The following EXOSC8 variants were observed in gnomAD, a reference collection of about 807,000 sequenced individuals.
EXOSC8 encodes exosome complex component RRP43.
In EXOSC8, 37 loss-of-function variants were observed where a neutral mutation model predicts 39.9. That is an observed-to-expected ratio of 0.93 (90% confidence interval 0.71 to 1.22). The LOEUF (loss-of-function observed/expected upper bound fraction) is 1.22, where lower values mean the gene tolerates loss of function less well. EXOSC8 is among the 50% of genes most tolerant of loss of function. The pLI is 0.00. For missense variants in EXOSC8, 313 were observed against 326.6 expected (o/e 0.96, Z 0.32); for synonymous variants, 93 against 109.5 (o/e 0.85, Z 0.94).
chr13:37,001,852 A>G (rs1459344653), intron 1 of EXOSC8: 1 of 156,164 alleles, frequency 6.4e-6, no homozygotes, highest in African/African-American at 2.4e-5. Context: ...ATTGAAGAAT[A>G]TGCTAAATTT....
At position 37,005,904 on chromosome 13, in the gene EXOSC8, A is replaced by G. The variant is rs2059135660; in HGVS notation, c.239-16A>G. On this transcript the variant is annotated splice_polypyrimidine_tract_variant and intron_variant, in intron 5 of 10. Transcript: ENST00000389704. ...AAAAAAAGGTTTAGTTCATAGCTGC[A>G]GAGTGTTTCTTTCAGTTCCTAATGT... 5 of 845,224 alleles carry G rather than the reference A, an allele frequency of 5.9e-6. No individual in the cohort carries two copies. Among genetic ancestry groups the G allele is most frequent in the African/African-American group, 1.7e-5 (1 of 58,136 alleles). The allele number at this position is 845,224 out of a possible 1,614,324, so 52.4% of individuals were successfully genotyped here. A position where few individuals can be genotyped will look rare whatever the true frequency, so the allele number is the denominator to read the frequency against.
intron 8 of EXOSC8, 61 bp downstream of exon 8, chr13:37,007,132 A>G: frequency 9.6e-7 from 1 of 1,044,922 alleles, no homozygotes; most frequent in Admixed American, 1.7e-5. Flanking sequence ...TGTTTTGTGA[A>G]ACTTTTAATG....
Position 37,008,282 on chromosome 13 carries a change from A to C in EXOSC8, c.608+105A>C, listed in dbSNP as rs1163765624. The C allele has an allele frequency of 3.3e-6, 3 of 921,624 alleles. No homozygotes were observed. The African/African-American group carries it at 5.1e-5, about 16-fold the overall frequency. The allele number at this position is 921,624 out of a possible 1,614,324, so 57.1% of individuals were successfully genotyped here. A position where few individuals can be genotyped will look rare whatever the true frequency, so the allele number is the denominator to read the frequency against. ...AAGTGCTATGGTGACCCTACATCCT[A>C]GTTTTCCCTGGACACTTGAGTTTCT... On this transcript the variant is annotated intron_variant, in intron 9 of 10. Coordinates refer to ENST00000389704, the MANE Select transcript of EXOSC8 (RefSeq NM_181503.3).
Position 37,009,434 on chromosome 13 carries a change from A to G in EXOSC8, c.*135A>G. ...CTATTATTTCTTAGGTCACTTCCAT[A>G]TATATTATGTATAGTGAAACCATTT... On this transcript the variant is annotated 3_prime_UTR_variant, in exon 11 of 11. Transcript: ENST00000389704. 1 of 733,946 alleles carries G rather than the reference A, an allele frequency of 1.4e-6. No individual in the cohort carries two copies. Among genetic ancestry groups the G allele is most frequent in the Non-Finnish European group, 2.3e-6 (1 of 443,240 alleles). The allele number at this position is 733,946 out of a possible 1,614,324, so 45.5% of individuals were successfully genotyped here. A position where few individuals can be genotyped will look rare whatever the true frequency, so the allele number is the denominator to read the frequency against.
chr13:37,006,378 G>A (rs1364956997), intron 7 of EXOSC8, among the ~76,000 whole-genome samples: 2 of 152,034 alleles, frequency 1.3e-5, no homozygotes, highest in Admixed American at 6.6e-5. Flanking sequence ...CTGCCTGTCT[G>A]GGAGCTACCT....
intron 3 of EXOSC8, 46 bp downstream of exon 3, chr13:37,002,597 T>G (rs1356678042): frequency 3.1e-6 from 4 of 1,300,412 alleles, no homozygotes; most frequent in Non-Finnish European, 4.3e-6. Flanking sequence ...TTCCCAAGTT[T>G]TAGTCTATGA....
At chr13:37,007,713 T>C (rs1179310098) in intron 8 of EXOSC8, among the ~76,000 whole-genome samples, 1 of 152,124 alleles carries the variant, frequency 6.6e-6, no homozygotes, top group Admixed American at 6.6e-5. Context: ...TTATCTATAA[T>C]AAAATAGGGA....
intron 2 of EXOSC8, 54 bp from the exon 3 acceptor site, chr13:37,002,434 T>A (rs2059112697): frequency 3.0e-6 from 4 of 1,328,052 alleles, no homozygotes; most frequent in African/African-American, 2.9e-5. Flanking sequence ...TTGTGATAGA[T>A]GTGTAAAATA....
Position 37,008,291 on chromosome 13 carries a change from T to C in EXOSC8, c.608+114T>C, listed in dbSNP as rs1244957585. 4 of 845,768 alleles carry C rather than the reference T, an allele frequency of 4.7e-6. 1 individual carries two copies. Among genetic ancestry groups the C allele is most frequent in the South Asian group, 3.0e-5 (2 of 66,258 alleles). The allele number at this position is 845,768 out of a possible 1,614,324, so 52.4% of individuals were successfully genotyped here. A position where few individuals can be genotyped will look rare whatever the true frequency, so the allele number is the denominator to read the frequency against. The stretch of plus-strand genomic sequence containing the variant: ...GGTGACCCTACATCCTAGTTTTCCC[T>C]GGACACTTGAGTTTCTACTTGTCCC... On this transcript the variant is annotated intron_variant, in intron 9 of 10. Transcript: ENST00000389704.
Position 37,009,386 on chromosome 13 carries a change from C to A in EXOSC8, c.*87C>A. 2 of 771,892 alleles carry A rather than the reference C, an allele frequency of 2.6e-6. No individual in the cohort carries two copies. The highest frequency in any genetic ancestry group is 4.3e-6 in the Non-Finnish European group (2 of 468,556). The allele number at this position is 771,892 out of a possible 1,614,324, so 47.8% of individuals were successfully genotyped here. A position where few individuals can be genotyped will look rare whatever the true frequency, so the allele number is the denominator to read the frequency against. ...CGTTTTATACTAAATAAATATCAAA[C>A]TACATTCTTCTGAAAGATGTTTCTA... On this transcript the variant is annotated 3_prime_UTR_variant, in exon 11 of 11. Transcript: ENST00000389704.
At position 37,006,411 on chromosome 13, in the gene EXOSC8, C is replaced by T. The variant is rs1252388261; in HGVS notation, c.390+251C>T. Reference sequence around the variant, plus strand: ...CCTTTTAAACTGAAGTAATTTTTTTCCCCCTTAACTTTTAAAGTTCAATCA... The same window carrying T: ...CCTTTTAAACTGAAGTAATTTTTTTTCCCCTTAACTTTTAAAGTTCAATCA... On this transcript the variant is annotated intron_variant, in intron 7 of 10. Coordinates refer to ENST00000389704, the MANE Select transcript of EXOSC8 (RefSeq NM_181503.3). 2.6e-5 allele frequency among the ~76,000 whole-genome samples: 4 copies of T among 151,986 alleles called. No individual in the cohort carries two copies. The South Asian group carries it at 6.2e-4, about 24-fold the overall frequency.
Position 37,002,534 on chromosome 13 carries a change from C to T in EXOSC8, c.101C>T (p.Thr34Ile), listed in dbSNP as rs1279817906. The T allele has an allele frequency of 1.3e-6, 2 of 1,591,726 alleles. No individual in the cohort carries two copies. The highest frequency in any genetic ancestry group is 1.7e-6 in the Non-Finnish European group (2 of 1,167,384). ...PDGRELGEFR[T>I]TTVNIGSIST... ...GGAAGAGAACTTGGTGAATTCAGAA[C>T]CACAACTGTCAACATCGGTAAGGAT... Residue 34 changes from threonine (T) to isoleucine (I), a missense_variant, in exon 3 of 11, where the codon ACC becomes ATC. Physicochemically the swap from Thr to Ile is moderately conservative, Grantham distance 89. Transcript: ENST00000389704.
intron 9 of EXOSC8, 74 bp from the exon 10 acceptor site, chr13:37,008,655 C>T: frequency 2.2e-6 from 2 of 909,630 alleles, no homozygotes; most frequent in Non-Finnish European, 3.5e-6. Context: ...ACTTGGGAGG[C>T]TGATAGTATG....
chr13:37,008,042 T>C lies in EXOSC8; in HGVS notation c.488-15T>C, dbSNP rs753598965. 1.7e-5 allele frequency: 27 copies of C among 1,561,056 alleles called. No individual in the cohort carries two copies. Among genetic ancestry groups the C allele is most frequent in the Non-Finnish European group, 2.2e-5 (25 of 1,146,218 alleles). On this transcript the variant is annotated splice_polypyrimidine_tract_variant and intron_variant, in intron 8 of 10. Transcript: ENST00000389704. Reference sequence around the variant, plus strand: ...CTTAGAGACTTACTTACTTTACAAATTTGCCTTTTCTTAGTACAGTTGCCT... The same window carrying C: ...CTTAGAGACTTACTTACTTTACAAACTTGCCTTTTCTTAGTACAGTTGCCT...
chr13:37,009,584 A>G lies in EXOSC8; in HGVS notation c.*285A>G. The G allele has an allele frequency of 6.8e-7, 1 of 1,462,402 alleles. No individual in the cohort carries two copies. Among genetic ancestry groups the G allele is most frequent in the Non-Finnish European group, 9.6e-7 (1 of 1,043,928 alleles). The allele number at this position is 1,462,402 out of a possible 1,614,324, so 90.6% of individuals were successfully genotyped here. On this transcript the variant is annotated 3_prime_UTR_variant, in exon 11 of 11. Transcript: ENST00000389704. Reference sequence around the variant, plus strand: ...ACATCTAGCAATGTAAAATACTGACACATTAAAAAAAACAAAAAGTAGAAA... The same window carrying G: ...ACATCTAGCAATGTAAAATACTGACGCATTAAAAAAAACAAAAAGTAGAAA...
Position 37,006,005 on chromosome 13 carries a change from C to T in EXOSC8, c.324C>T (p.Phe108=). Residue 108 remains phenylalanine (F), a synonymous_variant, in exon 6 of 11, where the codon TTC becomes TTT. Transcript: ENST00000389704. ...PGEEAQVASQ[F]IADVIENSQI... Reference sequence around the variant, plus strand: ...AAGAGGCCCAAGTGGCTAGCCAGTTCATTGCAGATGTCATTGAAAAGTAAG... The same window carrying T: ...AAGAGGCCCAAGTGGCTAGCCAGTTTATTGCAGATGTCATTGAAAAGTAAG... The T allele has an allele frequency of 1.2e-6, 2 of 1,606,400 alleles. No individual in the cohort carries two copies. The highest frequency in any genetic ancestry group is 2.2e-5 in the South Asian group (2 of 90,846).
At chr13:37,001,609 G>A (rs952286955) in intron 1 of EXOSC8, 17 of 152,194 alleles carry the variant, frequency 1.1e-4, no homozygotes, top group African/African-American at 4.1e-4. Flanking sequence ...AGTTATCTAT[G>A]AGTATAAACT....
chr13:37,006,885 C>A, intron 7 of EXOSC8, 90 bp from the exon 8 acceptor site: 4 of 751,032 alleles, frequency 5.3e-6, no homozygotes, highest in East Asian at 2.6e-5. Context: ...CTTGTTTAAC[C>A]AAGGGTTCTG....
chr13:37,009,527 A>C lies in EXOSC8; in HGVS notation c.*228A>C. 1 of 1,049,526 alleles carries C rather than the reference A, an allele frequency of 9.5e-7. No individual in the cohort carries two copies. The highest frequency in any genetic ancestry group is 2.4e-5 in the East Asian group (1 of 41,258). 65.0% of individuals were successfully genotyped at this position (1,049,526 alleles called of 1,614,324 possible). ...ACCATTTCCCTGTTTTTATTTAAAA[A>C]TGATAAGGTTGTGCTTCTGTATAAA... On this transcript the variant is annotated 3_prime_UTR_variant, in exon 11 of 11. Transcript: ENST00000389704.
Sources: allele counts gnomAD v4.1 joint callset (sites outside exome capture counted in the v4.1 genomes callset), GRCh38; gene constraint gnomAD v4.1.1; transcripts MANE v1.5; gene names NCBI Gene and HGNC (gene_info 2026-07-23, HGNC 2026-07-21).